Variants in MCPH1 observed in about 807,000 individuals in gnomAD.
MCPH1 encodes the protein microcephalin.
Under a neutral mutation model 84.5 loss-of-function variants are expected in MCPH1, and 104 were observed. The ratio of observed to expected loss-of-function variants is 1.23; its 90% confidence interval spans 1.05 to 1.45. MCPH1 has a LOEUF of 1.45. Ranked by LOEUF, MCPH1 falls within the 40% of genes most tolerant of loss-of-function variation. The probability of loss-of-function intolerance (pLI) is 0.00; values close to 1 mark genes in which losing one functional copy is unlikely to be tolerated. For missense variants in MCPH1, 1,498 were observed against 1,005.7 expected (o/e 1.49, Z -6.62); for synonymous variants, 514 against 366.8 (o/e 1.40, Z -4.58).
intron 11 of MCPH1, among the ~76,000 whole-genome samples, chr8:6,481,884 A>C (rs898376925): frequency 6.6e-6 from 1 of 152,220 alleles, no homozygotes; most frequent in African/African-American, 2.4e-5. Flanking sequence ...GTGTAGTTTC[A>C]GGTACCATGG....
At chr8:6,642,661 C>T in intron 13 of MCPH1, 1 of 416,720 alleles carries the variant, frequency 2.4e-6, no homozygotes, top group Non-Finnish European at 4.5e-6. Context: ...ATTAGAAATT[C>T]TTGGCTCCTA....
intron 9 of MCPH1, among the ~76,000 whole-genome samples, chr8:6,456,683 A>G (rs1247920553): frequency 6.6e-6 from 1 of 150,610 alleles, no homozygotes; most frequent in African/African-American, 2.5e-5. Context: ...GTGCTCAGTA[A>G]ATATTGAGTG....
At chr8:6,510,126 G>T (rs578229304) in intron 12 of MCPH1, among the ~76,000 whole-genome samples, 280 of 151,900 alleles carry the variant, frequency 1.8e-3, no homozygotes, top group Admixed American at 3.4e-3. Context: ...TATAAGGGAA[G>T]GGAGAAGACA....
chr8:6,475,495 C>T (rs1184143759), intron 9 of MCPH1, among the ~76,000 whole-genome samples: 2 of 152,224 alleles, frequency 1.3e-5, no homozygotes, highest in African/African-American at 2.4e-5. Context: ...GGGGAAAACC[C>T]AGGTAGCCTG....
chr8:6,612,561 T>C (rs1314602909), intron 12 of MCPH1, among the ~76,000 whole-genome samples: 1 of 152,194 alleles, frequency 6.6e-6, no homozygotes, highest in African/African-American at 2.4e-5. Context: ...CCCTGCAGCC[T>C]CCACCCTGGG....
At position 6,490,786 on chromosome 8, in the gene MCPH1, G is replaced by A. The variant is rs1237982587; in HGVS notation, c.2137-9066G>A. Among the ~76,000 whole-genome samples, 7 of 152,096 alleles carry A rather than the reference G, an allele frequency of 4.6e-5. No homozygotes were observed. In the East Asian group the frequency reaches 5.8e-4, roughly 13 times the overall value. On this transcript the variant is annotated intron_variant, in intron 11 of 13. Coordinates refer to ENST00000344683, the MANE Select transcript of MCPH1 (RefSeq NM_024596.5). ...CCAGAGAATGAGAATTATGTAATGC[G>A]GTTTTGTCAGCTAGAGTAACAGCTT...
rs572289860 is a variant in MCPH1, at chr8:6,474,445, G to C, written c.1936-3149G>C. 2.8e-4 allele frequency among the ~76,000 whole-genome samples: 43 copies of C among 151,900 alleles called. 1 individual carries two copies. Among genetic ancestry groups the C allele is most frequent in the Admixed American group, 2.8e-3 (42 of 15,240 alleles). On this transcript the variant is annotated intron_variant, in intron 9 of 13. Coordinates refer to ENST00000344683, the MANE Select transcript of MCPH1 (RefSeq NM_024596.5). ...TACTACTAAGACTTTAACATGCAAT[G>C]GGTTCACCTTGCTGTCTCCAAAAAA...
chr8:6,516,007 C>G (rs565880880), intron 12 of MCPH1, among the ~76,000 whole-genome samples: 25 of 152,192 alleles, frequency 1.6e-4, no homozygotes, highest in Non-Finnish European at 3.1e-4. Flanking sequence ...CTGGAACAGC[C>G]TGGTCTGCAG....
intron 12 of MCPH1, among the ~76,000 whole-genome samples, chr8:6,558,151 A>T (rs1035690171): frequency 1.3e-5 from 2 of 152,296 alleles, no homozygotes; most frequent in Admixed American, 1.3e-4. Flanking sequence ...ATTATGCTAT[A>T]ATGCCACTGT....
intron 13 of MCPH1, among the ~76,000 whole-genome samples, chr8:6,632,094 T>G (rs1382410066): frequency 6.6e-6 from 1 of 152,070 alleles, no homozygotes; most frequent in Non-Finnish European, 1.5e-5. Context: ...AAAGGACAAA[T>G]ATCATACGAC....
At chr8:6,501,068 T>G (rs984655542) in intron 12 of MCPH1, 1 of 152,220 alleles carries the variant, frequency 6.6e-6, no homozygotes, top group African/African-American at 2.4e-5. Flanking sequence ...CGTTGTTGAA[T>G]TCATAAAACC....
At chr8:6,627,223 T>C (rs1796800852) in intron 13 of MCPH1, 1 of 985,260 alleles carries the variant, frequency 1.0e-6, no homozygotes, top group Non-Finnish European at 1.2e-6. Flanking sequence ...ATTCAGTAGA[T>C]ATGTGAGGCT....
chr8:6,528,891 C>G (rs1206520501), intron 12 of MCPH1, among the ~76,000 whole-genome samples: 1 of 152,190 alleles, frequency 6.6e-6, no homozygotes, highest in Non-Finnish European at 1.5e-5. Context: ...CACAAAAAGT[C>G]TTCTGTGAGA....
At chr8:6,532,221 G>A (rs1028158097) in intron 12 of MCPH1, 13 of 1,228,372 alleles carry the variant, frequency 1.1e-5, no homozygotes, top group Admixed American at 8.5e-5. Context: ...CTTTTCTCCT[G>A]TGGTGGTGCT....
At chr8:6,488,022 T>G (rs1810137105) in intron 11 of MCPH1, among the ~76,000 whole-genome samples, 2 of 152,228 alleles carry the variant, frequency 1.3e-5, no homozygotes, top group Non-Finnish European at 2.9e-5. Context: ...AATTTATACT[T>G]TTTCCTGATT....
rs1378626645 is a variant in MCPH1, at chr8:6,645,211, T to G, written c.*2162T>G. 1 of 152,310 alleles carries G rather than the reference T, an allele frequency of 6.6e-6. No individual in the cohort carries two copies. The highest frequency in any genetic ancestry group is 1.5e-5 in the Non-Finnish European group (1 of 68,056). 9.4% of individuals were successfully genotyped at this position (152,310 alleles called of 1,614,324 possible). On this transcript the variant is annotated 3_prime_UTR_variant, in exon 14 of 14. Coordinates refer to ENST00000344683, the MANE Select transcript of MCPH1 (RefSeq NM_024596.5). Reference sequence around the variant, plus strand: ...CCACCCAGGCCTCAGTCCCCAGTGTTAAGTTCTGATCCCTGATGCTGGCCT... The same window carrying G: ...CCACCCAGGCCTCAGTCCCCAGTGTGAAGTTCTGATCCCTGATGCTGGCCT...
intron 11 of MCPH1, among the ~76,000 whole-genome samples, chr8:6,497,198 G>C (rs1222947363): frequency 6.6e-6 from 1 of 151,930 alleles, no homozygotes; most frequent in Non-Finnish European, 1.5e-5. Flanking sequence ...AAAGTTGAGA[G>C]GGCTGGGTGC....
At chr8:6,605,855 G>A (rs991549293) in intron 12 of MCPH1, among the ~76,000 whole-genome samples, 5 of 152,098 alleles carry the variant, frequency 3.3e-5, no homozygotes, top group African/African-American at 4.8e-5. Flanking sequence ...TTGCCACCAT[G>A]CCCAACTAAT....
chr8:6,532,596 A>G lies in MCPH1; in HGVS notation c.2214+32667A>G, dbSNP rs928793153. 10 of 775,512 alleles carry G rather than the reference A, an allele frequency of 1.3e-5. No homozygotes were observed. In the African/African-American group the frequency reaches 1.7e-4, roughly 13 times the overall value. 48.0% of individuals were successfully genotyped at this position (775,512 alleles called of 1,614,324 possible). A position where few individuals can be genotyped will look rare whatever the true frequency, so the allele number is the denominator to read the frequency against. Reference sequence around the variant, plus strand: ...CTTTAAAAAAAAAAAAAAAAAATCTATCAAAAGACTTGTACCTTGCCTTCC... The same window carrying G: ...CTTTAAAAAAAAAAAAAAAAAATCTGTCAAAAGACTTGTACCTTGCCTTCC... On this transcript the variant is annotated intron_variant, in intron 12 of 13. Coordinates refer to ENST00000344683, the MANE Select transcript of MCPH1 (RefSeq NM_024596.5).
Sources: gnomAD v4.1 joint callset for allele counts (sites outside exome capture counted in the v4.1 genomes callset) on GRCh38, gnomAD v4.1.1 for gene constraint, MANE v1.5 for transcripts, NCBI Gene and HGNC (gene_info 2026-07-23, HGNC 2026-07-21) for gene names.